CRYBB2: variants seen among roughly 807,000 people sequenced by gnomAD.
CRYBB2 encodes the protein beta-crystallin B2.
A neutral mutation model predicts 24.3 loss-of-function variants in CRYBB2; 12 were observed. That is an observed-to-expected ratio of 0.49 (90% confidence interval 0.32 to 0.80). The LOEUF is 0.80. Among genes scored for constraint, CRYBB2 ranks in the 30% least tolerant of loss-of-function variants. The pLI, the probability that CRYBB2 is intolerant of heterozygous loss-of-function variation, is 0.04. For missense variants in CRYBB2, 198 were observed against 268.5 expected (o/e 0.74, Z 1.83); for synonymous variants, 98 against 101.6 (o/e 0.96, Z 0.21).
At chr22:25,225,470 C>A (rs1935395409) in intron 3 of CRYBB2, among the ~76,000 whole-genome samples, 1 of 152,128 alleles carries the variant, frequency 6.6e-6, no homozygotes, top group Non-Finnish European at 1.5e-5. Flanking sequence ...ATGTTCCAGC[C>A]CTGCATCCAC....
chr22:25,221,540 C>T lies in CRYBB2; in HGVS notation c.54+57C>T. On this transcript the variant is annotated intron_variant, in intron 2 of 5. Coordinates refer to ENST00000398215, the MANE Select transcript of CRYBB2 (RefSeq NM_000496.3). ...TGCTCCTCCCCCAGACTTAGTTGCC[C>T]TTCTGTAAAATGGGCTTGGCATCTT... The T allele has an allele frequency of 2.9e-6, 4 of 1,385,476 alleles. No individual in the cohort carries two copies. The East Asian group carries it at 6.9e-5, about 24-fold the overall frequency. The allele number at this position is 1,385,476 out of a possible 1,614,324, so 85.8% of individuals were successfully genotyped here.
At chr22:25,216,828 C>G (rs1335507393), upstream of CRYBB2, among the ~76,000 whole-genome samples, 1 of 152,192 alleles carries the variant, frequency 6.6e-6, no homozygotes, top group Non-Finnish European at 1.5e-5. Flanking sequence ...TACTTCCAGT[C>G]TCCATGAATT....
chr22:25,220,546 T>G (rs894888955), intron 1 of CRYBB2, among the ~76,000 whole-genome samples: 4 of 152,210 alleles, frequency 2.6e-5, no homozygotes, highest in Non-Finnish European at 5.9e-5. Flanking sequence ...CCAAGGTGCT[T>G]AACTGCATTT....
intron 2 of CRYBB2, among the ~76,000 whole-genome samples, chr22:25,224,102 C>T (rs1478125538): frequency 2.1e-5 from 3 of 144,544 alleles, no homozygotes; most frequent in South Asian, 2.2e-4. Flanking sequence ...CCAGCCTGGG[C>T]GACAGAGTGA....
In CRYBB2 at chr22:25,221,841, C is replaced by G. The variant is rs182064017; in HGVS notation, c.54+358C>G. 6.8e-4 allele frequency among the ~76,000 whole-genome samples: 103 copies of G among 152,318 alleles called. 1 individual carries two copies. Among genetic ancestry groups the G allele is most frequent in the African/African-American group, 2.4e-3 (100 of 41,572 alleles). On this transcript the variant is annotated intron_variant, in intron 2 of 5. Coordinates refer to ENST00000398215, the MANE Select transcript of CRYBB2 (RefSeq NM_000496.3). ...TGGAAGGTGGGTGTGAGTCCTGGCT[C>G]TGCACCTGCTGTGTGATCCGGGCCA... is the stretch of plus-strand genomic sequence containing the variant.
At chr22:25,221,695 C>T (rs775339240) in intron 2 of CRYBB2, among the ~76,000 whole-genome samples, 5 of 152,212 alleles carry the variant, frequency 3.3e-5, no homozygotes, top group Non-Finnish European at 7.3e-5. Context: ...CCAGTACCAG[C>T]CTCTGGCTTT....
At chr22:25,229,343 G>A (rs1159598374) in intron 4 of CRYBB2, 93 bp from the exon 5 acceptor site, 12 of 1,521,798 alleles carry the variant, frequency 7.9e-6, no homozygotes, top group African/African-American at 1.4e-5. Flanking sequence ...TGTGGGACAT[G>A]CTGATCCCAA....
At chr22:25,224,769 AG>A in intron 2 of CRYBB2, 148 bp from the exon 3 acceptor site, 1 of 747,484 alleles carries the variant, frequency 1.3e-6, no homozygotes, top group East Asian at 2.5e-5. Flanking sequence ...AGCCAGAGCC[AG>A]GGCTGTTTGA....
At chr22:25,218,780 A>AGAGAAAGAG (rs1197095284), upstream of CRYBB2, among the ~76,000 whole-genome samples, 1 of 23,428 alleles carries the variant, frequency 4.3e-5, no homozygotes, top group Non-Finnish European at 8.9e-5. Flanking sequence ...AGAGAGAGAG[A>AGAGAAAGAG]AGAAAGAAAG....
At chr22:25,224,831 G>C in intron 2 of CRYBB2, 87 bp from the exon 3 acceptor site, 1 of 807,028 alleles carries the variant, frequency 1.2e-6, no homozygotes, top group South Asian at 1.3e-5. Flanking sequence ...CATCCTTTGG[G>C]TTCTCTGAGC....
chr22:25,220,976 G>A (rs963861096), intron 1 of CRYBB2, among the ~76,000 whole-genome samples: 13 of 152,120 alleles, frequency 8.5e-5, no homozygotes, highest in African/African-American at 3.1e-4. Flanking sequence ...CCTAAACTGG[G>A]CACCACCACA....
In CRYBB2 at chr22:25,227,978, T is replaced by C; in HGVS notation, c.299T>C (p.Ile100Thr). 1 of 1,614,040 alleles carries C rather than the reference T, an allele frequency of 6.2e-7. No individual in the cohort carries two copies. Among genetic ancestry groups the C allele is most frequent in the Admixed American group, 1.7e-5 (1 of 60,008 alleles). Residue 100 changes from isoleucine to threonine, a missense_variant, in exon 4 of 6, where the codon ATC becomes ACC. Transcript: ENST00000398215. ...RTDSLSSLRPIKVDSQEHKII... is the reference protein window; with the variant it reads ...RTDSLSSLRPTKVDSQEHKII... ...GACTCCCTCAGCTCCCTGAGGCCCA[T>C]CAAAGTGGTGAGCCCCCTGCCATCA... is the stretch of plus-strand genomic sequence containing the variant.
intron 5 of CRYBB2, among the ~76,000 whole-genome samples, 176 bp downstream of exon 5, chr22:25,229,754 C>T (rs938286066): frequency 1.3e-5 from 2 of 152,146 alleles, no homozygotes; most frequent in African/African-American, 4.8e-5. Context: ...GGCTTACAGC[C>T]GCTGAATTTC....
Position 25,231,604 on chromosome 22 carries a change from G to C in CRYBB2, c.450G>C (p.Thr150=). The C allele has an allele frequency of 6.2e-7, 1 of 1,614,130 alleles. No homozygotes were observed. Among genetic ancestry groups the C allele is most frequent in the Non-Finnish European group, 8.5e-7 (1 of 1,180,012 alleles). ...CCTCCCATCACCTCTGGCCCTGCAG[G>C]TGGGTTGGCTACCAGTACCCCGGCT... ...KVSSVRVQSG[T]WVGYQYPGYR... Residue 150 remains threonine, a splice_region_variant and synonymous_variant, in exon 6 of 6, where the codon ACG becomes ACC. Transcript: ENST00000398215.
At position 25,231,505 on chromosome 22, in the gene CRYBB2, T is replaced by C. The variant is rs572524700; in HGVS notation, c.450-99T>C. On this transcript the variant is annotated intron_variant, in intron 5 of 5. Coordinates refer to ENST00000398215, the MANE Select transcript of CRYBB2 (RefSeq NM_000496.3). Reference sequence around the variant, plus strand: ...GGTTGGGAGGCTTCACCCTTCCTAGTGGCTTATGGATGCTCTATCTCTCTC... The same window carrying C: ...GGTTGGGAGGCTTCACCCTTCCTAGCGGCTTATGGATGCTCTATCTCTCTC... 1,247 of 1,179,954 alleles carry C rather than the reference T, an allele frequency of 1.1e-3. 19 individuals carry two copies. The South Asian group carries it at 0.014, about 13-fold the overall frequency. 73.1% of individuals were successfully genotyped at this position (1,179,954 alleles called of 1,614,324 possible). A position where few individuals can be genotyped will look rare whatever the true frequency, so the allele number is the denominator to read the frequency against.
At chr22:25,216,873 T>C (rs1472372215), upstream of CRYBB2, among the ~76,000 whole-genome samples, 2 of 152,230 alleles carry the variant, frequency 1.3e-5, no homozygotes, top group Non-Finnish European at 2.9e-5. Context: ...AGTGGAATCA[T>C]ACAATATTTG....
chr22:25,218,198 G>T (rs972081068), upstream of CRYBB2, among the ~76,000 whole-genome samples: 2 of 151,692 alleles, frequency 1.3e-5, no homozygotes, highest in African/African-American at 2.4e-5. Flanking sequence ...GGCAGAGCTT[G>T]CAGTGAGCTG....
At chr22:25,218,852 G>GAAAGA, upstream of CRYBB2, among the ~76,000 whole-genome samples, 1 of 146,000 alleles carries the variant, frequency 6.8e-6, no homozygotes, top group African/African-American at 2.6e-5. Flanking sequence ...AAGAAAGAAA[G>GAAAGA]AAAGAAAAGA....
intron 4 of CRYBB2, among the ~76,000 whole-genome samples, chr22:25,229,097 ATGTGTGTGTGTG>A (rs112950752): frequency 3.4e-5 from 5 of 146,754 alleles, no homozygotes; most frequent in Admixed American, 6.8e-5. Context: ...GTGGGTGTGC[ATGTGTGTGTGTG>A]TGCATGTGTG....
Sources: gnomAD v4.1 joint callset for allele counts (sites outside exome capture counted in the v4.1 genomes callset) on GRCh38, gnomAD v4.1.1 for gene constraint, MANE v1.5 for transcripts, NCBI Gene and HGNC (gene_info 2026-07-23, HGNC 2026-07-21) for gene names.